BLTP1: variants seen among roughly 807,000 people sequenced by gnomAD.
BLTP1 encodes bridge-like lipid transfer protein family member 1, also known as fragile site-associated protein.
At chr4:122,310,054 A>G in the BLTP1 span, among the ~76,000 whole-genome samples, 2 of 151,898 alleles carry the variant, frequency 1.3e-5, no homozygotes, top group Non-Finnish European at 2.9e-5. Context: ...AGCATCATTA[A>G]TCTTAATAAT....
the BLTP1 span, among the ~76,000 whole-genome samples, chr4:122,222,244 A>G: frequency 1.3e-5 from 2 of 152,090 alleles, no homozygotes; most frequent in Non-Finnish European, 2.9e-5. Flanking sequence ...TCGTTATACT[A>G]TCTAATGTTC....
At chr4:122,174,414 A>T in the BLTP1 span, 1 of 949,300 alleles carries the variant, frequency 1.1e-6, no homozygotes, top group Non-Finnish European at 1.3e-6. Flanking sequence ...TTATTGGGGA[A>T]AGAATGATGG....
chr4:122,256,726 A>G, the BLTP1 span: 1 of 233,892 alleles, frequency 4.3e-6, no homozygotes, highest in Non-Finnish European at 7.0e-6. Flanking sequence ...TTTAAACTAT[A>G]TAATTATTAC....
At chr4:122,264,201 T>C in the BLTP1 span, 2 of 1,507,358 alleles carry the variant, frequency 1.3e-6, no homozygotes, top group Non-Finnish European at 8.9e-7. Flanking sequence ...CTTTTATGTG[T>C]TTCTATTCCC....
the BLTP1 span, among the ~76,000 whole-genome samples, chr4:122,358,338 T>C: frequency 6.6e-6 from 1 of 152,162 alleles, no homozygotes; most frequent in Non-Finnish European, 1.5e-5. Context: ...CGTGTATTTC[T>C]AAAAAACAAC....
chr4:122,208,062 T>C, the BLTP1 span: 3 of 985,294 alleles, frequency 3.0e-6, no homozygotes, highest in Non-Finnish European at 3.6e-6. Flanking sequence ...AAGCTCAAAA[T>C]TTTATGGAAC....
chr4:122,265,689 T>C, the BLTP1 span, among the ~76,000 whole-genome samples: 10 of 151,804 alleles, frequency 6.6e-5, no homozygotes, highest in African/African-American at 2.4e-4. Flanking sequence ...ATTTAGATAT[T>C]TTTTTGTTGT....
At chr4:122,164,290 A>T in the BLTP1 span, 1 of 608,138 alleles carries the variant, frequency 1.6e-6, no homozygotes, top group Non-Finnish European at 2.1e-6. Flanking sequence ...TTTCCCAACT[A>T]CAGCATCCTG....
the BLTP1 span, chr4:122,243,946 A>C: frequency 6.2e-7 from 1 of 1,611,636 alleles, no homozygotes; most frequent in Non-Finnish European, 8.5e-7. Context: ...CCAGTGTCCC[A>C]GACCAGGACA....
chr4:122,189,722 T>C, the BLTP1 span: 1 of 907,278 alleles, frequency 1.1e-6, no homozygotes, highest in Non-Finnish European at 1.3e-6. Flanking sequence ...ATTTTTTCTT[T>C]TTAAAACCAA....
At chr4:122,262,596 G>C in the BLTP1 span, 1 of 317,772 alleles carries the variant, frequency 3.1e-6, no homozygotes, top group East Asian at 1.7e-4. Context: ...CTACATTTAA[G>C]GACGTATGTA....
chr4:122,214,210 T>G, the BLTP1 span: 4 of 971,112 alleles, frequency 4.1e-6, no homozygotes, highest in Non-Finnish European at 4.9e-6. Context: ...AGTATACATT[T>G]TTAGCTAGGA....
At chr4:122,330,935 C>A in the BLTP1 span, 1 of 951,526 alleles carries the variant, frequency 1.1e-6, no homozygotes, top group Non-Finnish European at 1.3e-6. Flanking sequence ...CCAGTTTTTC[C>A]GGCACCATTT....
the BLTP1 span, among the ~76,000 whole-genome samples, chr4:122,285,806 T>C: frequency 2.0e-5 from 3 of 152,182 alleles, no homozygotes; most frequent in Non-Finnish European, 4.4e-5. Flanking sequence ...ATTACATGTG[T>C]AAAGGGCAAT....
chr4:122,178,649 G>A, the BLTP1 span, among the ~76,000 whole-genome samples: 1 of 152,140 alleles, frequency 6.6e-6, no homozygotes, highest in South Asian at 2.1e-4. Context: ...CTAAAATATT[G>A]TAAGATCCTC....
chr4:122,348,607 C>A, the BLTP1 span: 1 of 1,608,558 alleles, frequency 6.2e-7, no homozygotes, highest in Non-Finnish European at 8.5e-7. Flanking sequence ...ACAAATCAAA[C>A]AAAGCAGCAA....
At chr4:122,201,667 T>G in the BLTP1 span, among the ~76,000 whole-genome samples, 14 of 152,200 alleles carry the variant, frequency 9.2e-5, no homozygotes, top group Non-Finnish European at 1.9e-4. Context: ...ACACATATTG[T>G]TGGTCTATGA....
chr4:122,359,804 G>T, the BLTP1 span: 2 of 1,497,128 alleles, frequency 1.3e-6, no homozygotes, highest in Admixed American at 2.3e-5. Context: ...AGTTACATAT[G>T]ATTATCAAAA....
chr4:122,244,596 C>T, the BLTP1 span: 1 of 950,358 alleles, frequency 1.1e-6, no homozygotes, highest in Non-Finnish European at 1.3e-6. Context: ...GAGAATGGAA[C>T]ATAATGGAAG....
Sources: allele counts gnomAD v4.1 joint callset (sites outside exome capture counted in the v4.1 genomes callset), GRCh38; gene constraint gnomAD v4.1.1; transcripts MANE v1.5; gene names NCBI Gene and HGNC (gene_info 2026-07-23, HGNC 2026-07-21).